The following KLHL7 variants were observed in gnomAD, a reference collection of about 807,000 sequenced individuals.
The protein encoded by KLHL7 is kelch like family member 7.
A neutral mutation model predicts 67.4 loss-of-function variants in KLHL7; 44 were observed. The observed-to-expected ratio is 0.65, with a 90% CI of 0.51 to 0.84. The LOEUF (loss-of-function observed/expected upper bound fraction) is 0.84, where lower values mean the gene tolerates loss of function less well. Among genes scored for constraint, KLHL7 ranks in the 40% least tolerant of loss-of-function variants. The pLI is 0.00. For synonymous variants in KLHL7, 252 were observed against 243.3 expected, an observed-to-expected ratio of 1.04 and a Z score of -0.33; for missense variants, 362 against 718.1, an observed-to-expected ratio of 0.50 and a Z score of 5.67.
chr7:23,117,859 A>G, intron 1 of KLHL7: 1 of 1,613,330 alleles, frequency 6.2e-7, no homozygotes, highest in South Asian at 1.1e-5. Context: ...ACCCAGCTGT[A>G]GTTGAATCTA....
chr7:23,116,683 T>TA (rs1182349120), intron 1 of KLHL7, among the ~76,000 whole-genome samples: 1 of 152,222 alleles, frequency 6.6e-6, no homozygotes, highest in African/African-American at 2.4e-5. Flanking sequence ...TGTTCAGAAT[T>TA]AGCTCAGCTA....
At chr7:23,149,807 A>G (rs897843268) in intron 6 of KLHL7, among the ~76,000 whole-genome samples, 1 of 152,270 alleles carries the variant, frequency 6.6e-6, no homozygotes, top group African/African-American at 2.4e-5. Context: ...TTGCGTCAGC[A>G]TGCCTTGGCC....
At chr7:23,120,706 A>G (rs565876612) in intron 1 of KLHL7, among the ~76,000 whole-genome samples, 1 of 152,252 alleles carries the variant, frequency 6.6e-6, no homozygotes, top group South Asian at 2.1e-4. Context: ...AGCTGGGACT[A>G]CAGGCATGTG....
chr7:23,106,644 C>T, intron 1 of KLHL7: 1 of 1,026,514 alleles, frequency 9.7e-7, no homozygotes, highest in South Asian at 3.7e-5. Flanking sequence ...GAGGAGTCCT[C>T]CTGTTCGTGC....
intron 10 of KLHL7, 96 bp downstream of exon 10, chr7:23,173,141 TTACCATG>T (rs1785213679): frequency 2.5e-6 from 2 of 797,896 alleles, no homozygotes; most frequent in Admixed American, 3.6e-5. Flanking sequence ...ATAGAAGCAT[TTACCATG>T]TATATTATTA....
intron 4 of KLHL7, chr7:23,125,889 G>A (rs771129319): frequency 1.2e-4 from 180 of 1,540,800 alleles, no homozygotes; most frequent in Non-Finnish European, 1.5e-4. Flanking sequence ...TGCAGGATAC[G>A]TTCCAAGACC....
At chr7:23,142,442 G>A (rs747356807) in intron 5 of KLHL7, among the ~76,000 whole-genome samples, 6 of 152,038 alleles carry the variant, frequency 3.9e-5, no homozygotes, top group Admixed American at 6.6e-5. Flanking sequence ...GGTTGGACCT[G>A]GAGGACCTCA....
At chr7:23,127,208 T>C (rs1443025531) in intron 4 of KLHL7, among the ~76,000 whole-genome samples, 3 of 152,150 alleles carry the variant, frequency 2.0e-5, no homozygotes, top group African/African-American at 7.2e-5. Flanking sequence ...GGCTGAAATA[T>C]AGGTAGGTAG....
chr7:23,166,892 T>C (rs1049834969), intron 8 of KLHL7, among the ~76,000 whole-genome samples: 1 of 152,136 alleles, frequency 6.6e-6, no homozygotes, highest in African/African-American at 2.4e-5. Context: ...ACTATATATT[T>C]TCCTATAGTG....
Position 23,106,007 on chromosome 7 carries a change from G to A in KLHL7, c.-20G>A. The A allele has an allele frequency of 6.2e-7, 1 of 1,607,852 alleles. No individual in the cohort carries two copies. Among genetic ancestry groups the A allele is most frequent in the South Asian group, 1.1e-5 (1 of 89,782 alleles). ...TCGCCCGGCCCGGCGAGCCCCGGGC[G>A]TGAACCGAGCTGAGGGAGGATGGCA... On this transcript the variant is annotated 5_prime_UTR_variant, in exon 1 of 11. The change creates a new upstream start codon in the 5' untranslated region. Transcript: ENST00000339077.
At chr7:23,121,745 C>T (rs970365160) in intron 1 of KLHL7, among the ~76,000 whole-genome samples, 3 of 147,842 alleles carry the variant, frequency 2.0e-5, no homozygotes, top group South Asian at 4.3e-4. Context: ...TGCAGTGGCT[C>T]GATCTCAGCT....
intron 1 of KLHL7, among the ~76,000 whole-genome samples, chr7:23,117,607 C>T (rs1783147358): frequency 6.6e-6 from 1 of 152,124 alleles, no homozygotes; most frequent in South Asian, 2.1e-4. Context: ...AGGTATCTTC[C>T]TTTGTTTTTC....
intron 1 of KLHL7, among the ~76,000 whole-genome samples, chr7:23,115,076 A>G (rs1783031368): frequency 6.6e-6 from 1 of 152,228 alleles, no homozygotes; most frequent in African/African-American, 2.4e-5. Flanking sequence ...GGGTACAGTC[A>G]GGGTAGCTTC....
Position 23,175,113 on chromosome 7 carries a change from A to G in KLHL7, c.*815A>G, listed in dbSNP as rs2128470775. 2.2e-6 allele frequency: 1 copy of G among 454,066 alleles called. No individual in the cohort carries two copies. Among genetic ancestry groups the G allele is most frequent in the African/African-American group, 2.0e-5 (1 of 50,144 alleles). The allele number at this position is 454,066 out of a possible 1,614,324, so 28.1% of individuals were successfully genotyped here. On this transcript the variant is annotated 3_prime_UTR_variant, in exon 11 of 11. Coordinates refer to ENST00000339077, the MANE Select transcript of KLHL7 (RefSeq NM_001031710.3). ...TTATAGCAAATTTCTAGATCATTAG[A>G]AAAGCACTGGTAGTTGTACAATATC... is the stretch of plus-strand genomic sequence containing the variant.
intron 1 of KLHL7, among the ~76,000 whole-genome samples, chr7:23,112,792 A>T (rs372380033): frequency 7.0e-4 from 106 of 152,324 alleles, no homozygotes; most frequent in African/African-American, 2.4e-3. Context: ...AGTGAGTAGA[A>T]TATGAGGAAA....
chr7:23,168,732 T>A (rs959006500), intron 9 of KLHL7, among the ~76,000 whole-genome samples: 3 of 152,176 alleles, frequency 2.0e-5, no homozygotes, highest in Admixed American at 2.0e-4. Flanking sequence ...GATACCCTAG[T>A]CGTACCTTTT....
At chr7:23,110,195 T>G (rs142474608) in intron 1 of KLHL7, among the ~76,000 whole-genome samples, 98 of 152,348 alleles carry the variant, frequency 6.4e-4, no homozygotes, top group African/African-American at 2.3e-3. Flanking sequence ...CAGATCACCT[T>G]CTTTTGACAC....
At chr7:23,148,962 T>A (rs563641136) in intron 6 of KLHL7, among the ~76,000 whole-genome samples, 80 of 152,334 alleles carry the variant, frequency 5.3e-4, no homozygotes, top group African/African-American at 1.9e-3. Context: ...AGAGCTAAAC[T>A]GGGGAAAGGC....
At chr7:23,166,516 A>C in intron 8 of KLHL7, among the ~76,000 whole-genome samples, 1 of 152,314 alleles carries the variant, frequency 6.6e-6, no homozygotes, top group Non-Finnish European at 1.5e-5. Context: ...GAATAGGTGC[A>C]GGCTAGATAC....
Sources: gnomAD v4.1 joint callset for allele counts (sites outside exome capture counted in the v4.1 genomes callset) on GRCh38, gnomAD v4.1.1 for gene constraint, MANE v1.5 for transcripts, NCBI Gene and HGNC (gene_info 2026-07-23, HGNC 2026-07-21) for gene names.